The following RCAN2 variants were observed in gnomAD, a reference collection of about 807,000 sequenced individuals.
The protein encoded by RCAN2 is calcipressin-2.
A neutral mutation model predicts 23.6 loss-of-function variants in RCAN2; 9 were observed. The observed-to-expected ratio is 0.38, with a 90% CI of 0.23 to 0.67. RCAN2 has a LOEUF of 0.67. Among genes scored for constraint, RCAN2 ranks in the 30% least tolerant of loss-of-function variants. The probability of loss-of-function intolerance (pLI) is 0.51; values close to 1 mark genes in which losing one functional copy is unlikely to be tolerated. For missense variants in RCAN2, 273 were observed against 302.3 expected, an observed-to-expected ratio of 0.90 and a Z score of 0.72; for synonymous variants, 109 against 115.7, an observed-to-expected ratio of 0.94 and a Z score of 0.37.
intron 2 of RCAN2, among the ~76,000 whole-genome samples, chr6:46,297,655 A>G (rs926243459): frequency 9.9e-5 from 15 of 152,134 alleles, no homozygotes; most frequent in Non-Finnish European, 1.9e-4. Context: ...ATTCTAAAAC[A>G]TTTATTACTA....
At chr6:46,366,376 C>T (rs1282485063) in intron 2 of RCAN2, among the ~76,000 whole-genome samples, 1 of 152,146 alleles carries the variant, frequency 6.6e-6, no homozygotes, top group Admixed American at 6.5e-5. Flanking sequence ...GAGGCCATTT[C>T]TCTGAGGCCC....
At position 46,246,987 on chromosome 6, in the gene RCAN2, A is replaced by G. The variant is rs976472419; in HGVS notation, c.400-68T>C. On this transcript the variant is annotated intron_variant, in intron 3 of 4. Coordinates refer to ENST00000371374, the MANE Select transcript of RCAN2 (RefSeq NM_001251974.2). ...TTCAGATGTGTCATGTTGGCACATT[A>G]AAACATGGGTTTAGTTTCAGCCTGC... The G allele has an allele frequency of 6.0e-5, 80 of 1,325,262 alleles. No individual in the cohort carries two copies. The African/African-American group carries it at 9.9e-4, about 16-fold the overall frequency. The allele number at this position is 1,325,262 out of a possible 1,614,324, so 82.1% of individuals were successfully genotyped here.
intron 2 of RCAN2, among the ~76,000 whole-genome samples, chr6:46,404,139 T>A (rs914129730): frequency 1.3e-5 from 2 of 152,040 alleles, no homozygotes; most frequent in African/African-American, 4.8e-5. Context: ...GGAGAATCGC[T>A]TGAACCTGGG....
intron 1 of RCAN2, among the ~76,000 whole-genome samples, chr6:46,469,874 T>C (rs1768508819): frequency 6.6e-6 from 1 of 152,146 alleles, no homozygotes; most frequent in South Asian, 2.1e-4. Context: ...TCAGCTAGCT[T>C]GCCCTTTGGC....
At chr6:46,375,079 A>G (rs1331239988) in intron 2 of RCAN2, among the ~76,000 whole-genome samples, 1 of 152,136 alleles carries the variant, frequency 6.6e-6, no homozygotes, top group Non-Finnish European at 1.5e-5. Context: ...CATTACAGCC[A>G]GCAGCCCAGT....
Position 46,392,974 on chromosome 6 carries a change from A to G in RCAN2, c.225+63778T>C, listed in dbSNP as rs180991170. Among the ~76,000 whole-genome samples, 12 of 152,354 alleles carry G rather than the reference A, an allele frequency of 7.9e-5. No individual in the cohort carries two copies. In the East Asian group the frequency reaches 2.3e-3, roughly 29 times the overall value. Reference sequence around the variant, plus strand: ...AGGAAAACTGAAACTTTTCAAAAATATAAAGGCCATTTTTAAGGGATCTAT... The same window carrying G: ...AGGAAAACTGAAACTTTTCAAAAATGTAAAGGCCATTTTTAAGGGATCTAT... On this transcript the variant is annotated intron_variant, in intron 2 of 4. Coordinates refer to ENST00000371374, the MANE Select transcript of RCAN2 (RefSeq NM_001251974.2).
chr6:46,321,172 A>G (rs560768254), intron 2 of RCAN2, among the ~76,000 whole-genome samples: 1 of 152,304 alleles, frequency 6.6e-6, no homozygotes, highest in Admixed American at 6.5e-5. Flanking sequence ...GATGTTTCCA[A>G]TGGCAATCTT....
intron 2 of RCAN2, among the ~76,000 whole-genome samples, chr6:46,311,708 A>G (rs1370845519): frequency 6.6e-6 from 1 of 152,088 alleles, no homozygotes; most frequent in Non-Finnish European, 1.5e-5. Context: ...ATCTTGACAA[A>G]CTTCTCCTAA....
rs57371327 is a variant in RCAN2, at chr6:46,432,282, C to T, written c.225+24470G>A. 5.4e-3 allele frequency among the ~76,000 whole-genome samples: 826 copies of T among 152,154 alleles called. 8 individuals are homozygous for T. The highest frequency in any genetic ancestry group is 0.018 in the African/African-American group (766 of 41,518). On this transcript the variant is annotated intron_variant, in intron 2 of 4. Transcript: ENST00000371374. The stretch of plus-strand genomic sequence containing the variant: ...AGGCTGGTGTGCAATAGTGCAATCT[C>T]GGCTCACCACAACCTCTGCCTCCCT...
chr6:46,466,581 A>G (rs1000029785), intron 1 of RCAN2, among the ~76,000 whole-genome samples: 21 of 152,180 alleles, frequency 1.4e-4, no homozygotes, highest in African/African-American at 4.6e-4. Context: ...CCTAGCAGAC[A>G]GTATGCTATT....
At chr6:46,359,501 A>G (rs1764937727) in intron 2 of RCAN2, among the ~76,000 whole-genome samples, 1 of 152,220 alleles carries the variant, frequency 6.6e-6, no homozygotes, top group Admixed American at 6.5e-5. Flanking sequence ...TGCTAATTCC[A>G]ACACTAATTT....
intron 2 of RCAN2, among the ~76,000 whole-genome samples, chr6:46,288,912 T>A (rs1302532855): frequency 1.3e-5 from 2 of 152,272 alleles, no homozygotes; most frequent in Non-Finnish European, 2.9e-5. Flanking sequence ...AATAAATAAG[T>A]ATGATGTAAA....
rs1232496824 is a variant in RCAN2, at chr6:46,248,826, C to T, written c.296G>A (p.Arg99His). Residue 99 changes from arginine (R) to histidine (H), a missense_variant, in exon 3 of 5, where the codon CGT (arginine) becomes CAT (histidine). Arg to His is a conservative substitution (Grantham distance 29, BLOSUM62 0). Transcript: ENST00000371374. Reference protein sequence around the residue: ...VTFQLFKSFRRVRINFSNPKS... With the variant: ...VTFQLFKSFRHVRINFSNPKS... ...AGGATTGCTGAAGTTTATACGGACA[C>T]GTCTGAAACTCTTAAATAGCTGGAA... 1 of 1,613,044 alleles carries T rather than the reference C, an allele frequency of 6.2e-7. No individual in the cohort carries two copies. The highest frequency in any genetic ancestry group is 8.5e-7 in the Non-Finnish European group (1 of 1,179,686).
chr6:46,415,884 G>A (rs781050108), intron 2 of RCAN2, among the ~76,000 whole-genome samples: 18 of 152,136 alleles, frequency 1.2e-4, no homozygotes, highest in Non-Finnish European at 2.5e-4. Flanking sequence ...ATGGATACTT[G>A]AGTCTGTGAT....
chr6:46,472,793 C>G (rs770574646), intron 1 of RCAN2, among the ~76,000 whole-genome samples: 1 of 152,116 alleles, frequency 6.6e-6, no homozygotes, highest in Admixed American at 6.5e-5. Flanking sequence ...ACATATAAGT[C>G]TTGAAAGAAG....
chr6:46,230,466 T>C (rs1179814348), intron 4 of RCAN2, among the ~76,000 whole-genome samples: 1 of 152,174 alleles, frequency 6.6e-6, no homozygotes, highest in African/African-American at 2.4e-5. Context: ...TACTCAAGCC[T>C]CAGCAATGGT....
intron 2 of RCAN2, among the ~76,000 whole-genome samples, chr6:46,368,332 G>T (rs1488636411): frequency 2.0e-5 from 3 of 152,160 alleles, no homozygotes; most frequent in Non-Finnish European, 4.4e-5. Flanking sequence ...GGTATCATAT[G>T]CCTGGGCAAC....
intron 1 of RCAN2, among the ~76,000 whole-genome samples, chr6:46,482,354 G>C (rs535692497): frequency 4.6e-5 from 7 of 152,098 alleles, no homozygotes; most frequent in African/African-American, 1.7e-4. Flanking sequence ...TCAAGCCCTA[G>C]GATCATTGAG....
chr6:46,387,307 G>A (rs1765783660), intron 2 of RCAN2, among the ~76,000 whole-genome samples: 1 of 152,184 alleles, frequency 6.6e-6, no homozygotes, highest in Admixed American at 6.5e-5. Context: ...CCATCAGAGT[G>A]AACGGGCAAC....
Sources: gnomAD v4.1 joint callset for allele counts (sites outside exome capture counted in the v4.1 genomes callset) on GRCh38, gnomAD v4.1.1 for gene constraint, MANE v1.5 for transcripts, NCBI Gene and HGNC (gene_info 2026-07-23, HGNC 2026-07-21) for gene names.